MERTK: variants seen among roughly 807,000 people sequenced by gnomAD.
MERTK encodes the protein tyrosine-protein kinase Mer.
A neutral mutation model predicts 99.3 loss-of-function variants in MERTK; 69 were observed. The ratio of observed to expected loss-of-function variants is 0.70; its 90% CI spans 0.57 to 0.85. The LOEUF (loss-of-function observed/expected upper bound fraction) is 0.85, where lower values mean the gene tolerates loss of function less well. Ranked by LOEUF, MERTK falls within the 40% of genes least tolerant of loss-of-function variation. MERTK has a pLI of 0.00. For missense variants in MERTK, 1,125 were observed against 1,249.4 expected (o/e 0.90, Z 1.50); for synonymous variants, 426 against 467.6 (o/e 0.91, Z 1.15).
intron 15 of MERTK, among the ~76,000 whole-genome samples, chr2:112,016,959 T>A (rs1677229038): frequency 6.6e-6 from 1 of 152,146 alleles, no homozygotes; most frequent in South Asian, 2.1e-4. Flanking sequence ...ACCTTTGCAG[T>A]GAGTGTTACA....
chr2:111,941,824 A>G (rs1464274959), intron 2 of MERTK, among the ~76,000 whole-genome samples: 1 of 152,216 alleles, frequency 6.6e-6, no homozygotes, highest in Non-Finnish European at 1.5e-5. Context: ...GAATGACTAA[A>G]GACAAACTTC....
intron 1 of MERTK, among the ~76,000 whole-genome samples, chr2:111,915,060 T>C (rs754508949): frequency 4.6e-5 from 7 of 152,210 alleles, no homozygotes; most frequent in Non-Finnish European, 8.8e-5. Flanking sequence ...ATGAATTCAA[T>C]TTCCTTAATA....
chr2:111,931,520 T>C (rs1469562247), intron 2 of MERTK, among the ~76,000 whole-genome samples: 1 of 152,100 alleles, frequency 6.6e-6, no homozygotes, highest in Non-Finnish European at 1.5e-5. Context: ...ACCCCATCTC[T>C]ACTAAAAATA....
At chr2:112,004,416 A>G (rs923882670) in intron 13 of MERTK, among the ~76,000 whole-genome samples, 4 of 152,146 alleles carry the variant, frequency 2.6e-5, no homozygotes, top group African/African-American at 9.7e-5. Flanking sequence ...GGATGATTGC[A>G]TGGCCCTGAG....
Position 111,914,261 on chromosome 2 carries a change from G to A in MERTK, c.62-14859G>A, listed in dbSNP as rs189837821. Among the ~76,000 whole-genome samples, 5 of 151,452 alleles carry A rather than the reference G, an allele frequency of 3.3e-5. No homozygotes were observed. The East Asian group carries it at 7.7e-4, about 23-fold the overall frequency. On this transcript the variant is annotated intron_variant, in intron 1 of 18. Coordinates refer to ENST00000295408, the MANE Select transcript of MERTK (RefSeq NM_006343.3). ...CAGGACTACAGGTGTGCACCACCAC[G>A]CCCGGCTAATTTTTGTATTTTTGTT...
At position 112,029,074 on chromosome 2, in the gene MERTK, AAGAC is replaced by A; in HGVS notation, c.*212_*215del. On this transcript the variant is annotated 3_prime_UTR_variant, in exon 19 of 19. Transcript: ENST00000295408. ...AAAAAATATGTGTATATCATGGAAAAAGACAAGGATATTTTAATAAAACATTACT... is the reference window on the plus strand; with the variant it reads ...AAAAAATATGTGTATATCATGGAAAAAAGGATATTTTAATAAAACATTACT... 7.8e-7 allele frequency: 1 copy of A among 1,283,790 alleles called. No homozygotes were observed. Among genetic ancestry groups the A allele is most frequent in the Non-Finnish European group, 9.9e-7 (1 of 1,007,964 alleles). The allele number at this position is 1,283,790 out of a possible 1,614,324, so 79.5% of individuals were successfully genotyped here.
At chr2:111,995,520 A>C (rs6726639) in intron 9 of MERTK, 116,770 of 188,294 alleles carry the variant, frequency 0.62, 36,623 homozygotes, top group African/African-American at 0.66. Flanking sequence ...TCCCAGTGAC[A>C]CTGAAACTTG....
intron 13 of MERTK, among the ~76,000 whole-genome samples, chr2:112,008,149 A>G (rs995512878): frequency 6.6e-6 from 1 of 152,096 alleles, no homozygotes; most frequent in Non-Finnish European, 1.5e-5. Context: ...ATCCATCATT[A>G]TAGTATCATA....
At chr2:111,969,301 G>T (rs981007193) in intron 6 of MERTK, among the ~76,000 whole-genome samples, 3 of 152,136 alleles carry the variant, frequency 2.0e-5, no homozygotes, top group African/African-American at 7.2e-5. Flanking sequence ...GGAAGCTCCA[G>T]TGCCTAAAGC....
rs1414885918 is a variant in MERTK, at chr2:111,994,385, A to C, written c.1431A>C (p.Lys477Asn). Residue 477 changes from lysine (K) to asparagine (N), a missense_variant, in exon 9 of 19, where the codon AAA (lysine) becomes AAC (asparagine). Coordinates refer to ENST00000295408, the MANE Select transcript of MERTK (RefSeq NM_006343.3). Reference sequence around the variant, plus strand: ...TTGGGCCCTTCAGTGATCCAGTGAAAATATTTATCCCTGCACACGGTGAGA... The same window carrying C: ...TTGGGCCCTTCAGTGATCCAGTGAACATATTTATCCCTGCACACGGTGAGA... ...GGVGPFSDPV[K>N]IFIPAHGWVD... The C allele has an allele frequency of 6.2e-7, 1 of 1,614,038 alleles. No homozygotes were observed. The highest frequency in any genetic ancestry group is 8.5e-7 in the Non-Finnish European group (1 of 1,180,040).
chr2:111,952,869 A>G (rs1685082493), intron 4 of MERTK, among the ~76,000 whole-genome samples: 1 of 152,234 alleles, frequency 6.6e-6, no homozygotes, highest in African/African-American at 2.4e-5. Context: ...ATATGGTAAT[A>G]TGTGCCCTAT....
At position 111,947,417 on chromosome 2, in the gene MERTK, C is replaced by G; in HGVS notation, c.607C>G (p.Pro203Ala). 1 of 1,614,118 alleles carries G rather than the reference C, an allele frequency of 6.2e-7. No homozygotes were observed. Among genetic ancestry groups the G allele is most frequent in the Non-Finnish European group, 8.5e-7 (1 of 1,180,034 alleles). ...AGGACTTCCTCACTTTACTAAGCAGCCTGAGAGCATGAATGTCACCAGAAA... is the reference window on the plus strand; with the variant it reads ...AGGACTTCCTCACTTTACTAAGCAGGCTGAGAGCATGAATGTCACCAGAAA... ...VQGLPHFTKQ[P>A]ESMNVTRNTA... The change falls in exon 4 of 19, where the codon CCT (proline) becomes GCT (alanine). Residue 203 changes from proline to alanine, a missense_variant. By Grantham distance (27) the Pro-to-Ala change is conservative. Coordinates refer to ENST00000295408, the MANE Select transcript of MERTK (RefSeq NM_006343.3).
At chr2:111,975,217 G>T in intron 6 of MERTK, 72 bp from the exon 7 acceptor site, 1 of 1,456,932 alleles carries the variant, frequency 6.9e-7, no homozygotes, top group Non-Finnish European at 9.6e-7. Flanking sequence ...TGCACCGAAT[G>T]CACACAGGCC....
rs1444293472 is a variant in MERTK, at chr2:112,012,170, A to G, written c.2079+2104A>G. On this transcript the variant is annotated intron_variant, in intron 15 of 18. Transcript: ENST00000295408. The stretch of plus-strand genomic sequence containing the variant: ...TGGTGATTGGAATATGAAGCCCCAT[A>G]TGCTGTGGGGTCTGCTGTTTAGAAG... Among the ~76,000 whole-genome samples, 6 of 152,136 alleles carry G rather than the reference A, an allele frequency of 3.9e-5. No homozygotes were observed. The South Asian group carries it at 8.3e-4, about 21-fold the overall frequency.
intron 4 of MERTK, among the ~76,000 whole-genome samples, chr2:111,951,899 G>A (rs1164490567): frequency 6.6e-6 from 1 of 151,962 alleles, no homozygotes; most frequent in Non-Finnish European, 1.5e-5. Context: ...ATAGAAAATA[G>A]ATTTTTGTAT....
At chr2:111,924,025 G>C (rs1684511689) in intron 1 of MERTK, among the ~76,000 whole-genome samples, 1 of 151,994 alleles carries the variant, frequency 6.6e-6, no homozygotes, top group Admixed American at 6.6e-5. Flanking sequence ...CACAGCTCTA[G>C]AGAACAATTT....
At chr2:111,970,625 A>G (rs1676087045) in intron 6 of MERTK, among the ~76,000 whole-genome samples, 1 of 152,132 alleles carries the variant, frequency 6.6e-6, no homozygotes, top group Non-Finnish European at 1.5e-5. Context: ...TGGTTTTGGC[A>G]TCAGTGTAAT....
At chr2:111,933,294 A>G (rs945008223) in intron 2 of MERTK, among the ~76,000 whole-genome samples, 5 of 152,178 alleles carry the variant, frequency 3.3e-5, no homozygotes, top group Non-Finnish European at 5.9e-5. Flanking sequence ...GCCCTAAGGA[A>G]ATCTACTGTG....
At chr2:112,000,170 G>A (rs1380525045) in intron 10 of MERTK, among the ~76,000 whole-genome samples, 3 of 152,166 alleles carry the variant, frequency 2.0e-5, no homozygotes, top group Non-Finnish European at 4.4e-5. Context: ...TGGATCTTCG[G>A]TTGCTTCAGG....
Sources: gnomAD v4.1 joint callset for allele counts (sites outside exome capture counted in the v4.1 genomes callset) on GRCh38, gnomAD v4.1.1 for gene constraint, MANE v1.5 for transcripts, NCBI Gene and HGNC (gene_info 2026-07-23, HGNC 2026-07-21) for gene names.